Variants in TBC1D5 observed in about 807,000 individuals in gnomAD.
The protein encoded by TBC1D5 is TBC1 domain family member 5, also known as TBC1 domain family, member 5.
TBC1D5 carries 75 observed loss-of-function variants against 100.3 expected under a neutral mutation model. The observed-to-expected ratio is 0.75, with a 90% CI of 0.62 to 0.91. TBC1D5 has a LOEUF of 0.91. Among genes scored for constraint, TBC1D5 ranks in the 40% least tolerant of loss-of-function variants. The probability of loss-of-function intolerance (pLI) is 0.00; values close to 1 mark genes in which losing one functional copy is unlikely to be tolerated. For missense variants in TBC1D5, 910 were observed against 942.4 expected (o/e 0.97, Z 0.45); for synonymous variants, 323 against 325.6 (o/e 0.99, Z 0.09).
At chr3:17,687,706 C>A (rs966910672) in intron 1 of TBC1D5, among the ~76,000 whole-genome samples, 6 of 152,164 alleles carry the variant, frequency 3.9e-5, no homozygotes, top group African/African-American at 1.4e-4. Flanking sequence ...ACATTGCAGG[C>A]AGCAGGAAGA....
At chr3:17,373,936 G>GT (rs2092590723) in intron 12 of TBC1D5, among the ~76,000 whole-genome samples, 1 of 152,060 alleles carries the variant, frequency 6.6e-6, no homozygotes, top group Non-Finnish European at 1.5e-5. Flanking sequence ...TAGCAGGGAT[G>GT]TTTGCCTGCT....
At chr3:17,713,945 C>T (rs187046886) in intron 1 of TBC1D5, among the ~76,000 whole-genome samples, 1 of 152,204 alleles carries the variant, frequency 6.6e-6, no homozygotes, top group East Asian at 1.9e-4. Flanking sequence ...ATGGAACAGT[C>T]GAAGTTGTAT....
chr3:17,260,306 C>T (rs140294214), intron 15 of TBC1D5, among the ~76,000 whole-genome samples: 10 of 152,170 alleles, frequency 6.6e-5, no homozygotes, highest in Admixed American at 6.5e-4. Flanking sequence ...TTACTTTTTG[C>T]CATAAAATAA....
chr3:17,202,084 AAAATG>A, intron 18 of TBC1D5, among the ~76,000 whole-genome samples: 1 of 152,360 alleles, frequency 6.6e-6, no homozygotes, highest in Admixed American at 6.5e-5. Context: ...TGTTGTGACC[AAAATG>A]CTGATAGTGA....
At chr3:17,206,383 T>C (rs1180416259) in intron 18 of TBC1D5, among the ~76,000 whole-genome samples, 1 of 152,226 alleles carries the variant, frequency 6.6e-6, no homozygotes, top group African/African-American at 2.4e-5. Context: ...CTTATATTTC[T>C]TAAACAGATA....
chr3:17,242,373 ACT>A (rs1491418302), intron 16 of TBC1D5, among the ~76,000 whole-genome samples: 1 of 151,988 alleles, frequency 6.6e-6, no homozygotes, highest in African/African-American at 2.4e-5. Context: ...TATTTATTTC[ACT>A]TTTTCTGCAA....
exon 7 of TBC1D5, chr3:17,404,750 T>C (rs1484763396): frequency 6.2e-7 from 1 of 1,608,406 alleles, no homozygotes; most frequent in East Asian, 2.2e-5. Context: ...CCAACAACCT[T>C]CCTCGGGTTG....
At chr3:17,444,511 A>G (rs1290234458) in intron 3 of TBC1D5, among the ~76,000 whole-genome samples, 1 of 152,076 alleles carries the variant, frequency 6.6e-6, no homozygotes, top group Non-Finnish European at 1.5e-5. Context: ...CAATTGGCAG[A>G]TATTTCTTTT....
At chr3:17,708,881 T>A (rs2074424370) in intron 1 of TBC1D5, among the ~76,000 whole-genome samples, 1 of 152,216 alleles carries the variant, frequency 6.6e-6, no homozygotes, top group African/African-American at 2.4e-5. Context: ...AAAATACATC[T>A]TTCATTTTCC....
At chr3:17,282,290 C>T (rs2080695089) in intron 15 of TBC1D5, among the ~76,000 whole-genome samples, 1 of 152,208 alleles carries the variant, frequency 6.6e-6, no homozygotes, top group Non-Finnish European at 1.5e-5. Flanking sequence ...CATTTTAATA[C>T]TTTTCCATTT....
At chr3:17,365,892 G>A (rs2151950523) in intron 13 of TBC1D5, among the ~76,000 whole-genome samples, 1 of 152,182 alleles carries the variant, frequency 6.6e-6, no homozygotes, top group East Asian at 1.9e-4. Context: ...TCAGCTTCTT[G>A]GTAACTATTT....
intron 15 of TBC1D5, among the ~76,000 whole-genome samples, chr3:17,279,386 A>G (rs987634741): frequency 6.6e-6 from 1 of 152,158 alleles, no homozygotes; most frequent in African/African-American, 2.4e-5. Context: ...GGGCACTTTC[A>G]ATCCCTTTGT....
chr3:17,317,376 T>C (rs1039776492), intron 13 of TBC1D5, among the ~76,000 whole-genome samples: 2 of 152,100 alleles, frequency 1.3e-5, no homozygotes, highest in Non-Finnish European at 2.9e-5. Context: ...CAGGAAACTA[T>C]GAAGGAGCCA....
rs1363926293 is a variant in TBC1D5 at position 17,352,683 on chromosome 3, C to CAAAAAAAAAAAAAAAAAAAA, written c.995+19391_995+19392insTTTTTTTTTTTTTTTTTTTT. On this transcript the variant is annotated intron_variant, in intron 13 of 21. Transcript: ENST00000253692. ...TCTAACTACAATACAAAGCAAAAGG[C>CAAAAAAAAAAAAAAAAAAAA]AAAAAAAAAAAAAAAACAAAAAAAC... 2.0e-4 allele frequency among the ~76,000 whole-genome samples: 19 copies of CAAAAAAAAAAAAAAAAAAAA among 94,890 alleles called. 1 individual carries two copies. Among genetic ancestry groups the CAAAAAAAAAAAAAAAAAAAA allele is most frequent in the Non-Finnish European group, 2.9e-4 (14 of 48,600 alleles). The allele number at this position is 94,890 out of a possible 152,430, so 62.3% of individuals were successfully genotyped here. A position where few individuals can be genotyped will look rare whatever the true frequency, so the allele number is the denominator to read the frequency against.
chr3:17,564,719 T>C (rs1259374357), intron 2 of TBC1D5, among the ~76,000 whole-genome samples: 1 of 152,178 alleles, frequency 6.6e-6, no homozygotes, highest in African/African-American at 2.4e-5. Context: ...CACCTCTCTC[T>C]TAAGTAGTCA....
intron 1 of TBC1D5, among the ~76,000 whole-genome samples, chr3:17,694,933 G>A (rs1472049895): frequency 1.3e-5 from 2 of 152,054 alleles, no homozygotes; most frequent in African/African-American, 4.8e-5. Context: ...AGACAGTGGG[G>A]GCCAATATTC....
intron 1 of TBC1D5, among the ~76,000 whole-genome samples, chr3:17,635,401 C>T (rs1296386008): frequency 6.6e-6 from 1 of 152,172 alleles, no homozygotes; most frequent in Non-Finnish European, 1.5e-5. Flanking sequence ...AAGGTCAAGG[C>T]TGGGTGTGGT....
chr3:17,231,092 T>C (rs2075378735), intron 17 of TBC1D5, among the ~76,000 whole-genome samples: 1 of 152,168 alleles, frequency 6.6e-6, no homozygotes, highest in African/African-American at 2.4e-5. Flanking sequence ...AACCCATGGA[T>C]ACAGGGGGCT....
At chr3:17,216,163 G>A (rs1336196466) in intron 17 of TBC1D5, among the ~76,000 whole-genome samples, 2 of 152,072 alleles carry the variant, frequency 1.3e-5, no homozygotes, top group South Asian at 2.1e-4. Context: ...CCCTCTTTAA[G>A]GAAATATTTG....
Sources: gnomAD v4.1 joint callset for allele counts (sites outside exome capture counted in the v4.1 genomes callset) on GRCh38, gnomAD v4.1.1 for gene constraint, MANE v1.5 for transcripts, NCBI Gene and HGNC (gene_info 2026-07-23, HGNC 2026-07-21) for gene names.